MTUS2: variants seen among roughly 807,000 people sequenced by gnomAD.
MTUS2 encodes microtubule associated scaffold protein 2, also known as microtubule-associated tumor suppressor candidate 2.
Under a neutral mutation model 114.1 loss-of-function variants are expected in MTUS2, and 40 were observed. The observed-to-expected ratio is 0.35, with a 90% confidence interval of 0.27 to 0.46. MTUS2 has a LOEUF of 0.46. Ranked by LOEUF, MTUS2 falls within the 20% of genes least tolerant of loss-of-function variation. The probability of loss-of-function intolerance (pLI) is 1.00; values close to 1 mark genes in which losing one functional copy is unlikely to be tolerated. For missense variants in MTUS2, 1,679 were observed against 1,705.4 expected, an observed-to-expected ratio of 0.98 and a Z score of 0.27; for synonymous variants, 688 against 672.0, an observed-to-expected ratio of 1.02 and a Z score of -0.37.
intron 5 of MTUS2, among the ~76,000 whole-genome samples, chr13:29,225,014 T>C (rs527713752): frequency 4.6e-5 from 7 of 152,280 alleles, no homozygotes; most frequent in East Asian, 3.9e-4. Flanking sequence ...CCTCCACCTT[T>C]CCTAGGGCTG....
In MTUS2 at chr13:29,502,995, A is replaced by G. The variant is rs776770958; in HGVS notation, c.3899A>G (p.Gln1300Arg). Residue 1300 changes from glutamine (Q) to arginine (R), a missense_variant and splice_region_variant, in exon 16 of 16, where the codon CAG (glutamine) becomes CGG (arginine). By Grantham distance (43) the Gln-to-Arg change is conservative. This residue lies in a region of MTUS2 where 822 missense variants were observed against 899.7 expected (regional missense o/e 0.91). Coordinates refer to ENST00000612955, the MANE Select transcript of MTUS2 (RefSeq NM_001033602.4). ...RIDQNTVVTR[Q>R]LSEENANLQE... is the part of the protein sequence containing the mutation. ...TATTTGTCATTGTGCCCATGCAGAC[A>G]GCTGTCGGAGGAAAATGCTAACCTC... The G allele has an allele frequency of 6.2e-7, 1 of 1,614,140 alleles. No individual in the cohort carries two copies. The highest frequency in any genetic ancestry group is 8.5e-7 in the Non-Finnish European group (1 of 1,179,988).
At chr13:28,983,988 G>A (rs145770815) in intron 2 of MTUS2, among the ~76,000 whole-genome samples, 87 of 152,340 alleles carry the variant, frequency 5.7e-4, no homozygotes, top group African/African-American at 1.8e-3. Flanking sequence ...CTCTGCTTAT[G>A]TGGCTTCTCA....
intron 5 of MTUS2, among the ~76,000 whole-genome samples, chr13:29,162,693 G>A (rs918763905): frequency 3.9e-5 from 6 of 152,250 alleles, no homozygotes; most frequent in East Asian, 1.9e-4. Context: ...GTGTTTGATC[G>A]TATTTCTAGA....
At chr13:29,075,781 C>T (rs1371508948) in intron 4 of MTUS2, among the ~76,000 whole-genome samples, 1 of 152,166 alleles carries the variant, frequency 6.6e-6, no homozygotes, top group Admixed American at 6.5e-5. Flanking sequence ...ACCATATTTT[C>T]CTGTTAGTGT....
chr13:28,901,749 T>G (rs1343315881), intron 2 of MTUS2, among the ~76,000 whole-genome samples: 2 of 152,208 alleles, frequency 1.3e-5, no homozygotes, highest in African/African-American at 4.8e-5. Flanking sequence ...CCATACTATT[T>G]TGATTACTGT....
At chr13:29,141,953 A>G (rs145981485) in intron 5 of MTUS2, among the ~76,000 whole-genome samples, 2,197 of 149,834 alleles carry the variant, frequency 0.015, 47 homozygotes, top group African/African-American at 0.052. Context: ...TCCACCTCCC[A>G]GGTTCACACC....
In MTUS2 at chr13:29,065,019, G is replaced by A. The variant is rs149607885; in HGVS notation, c.2446+30894G>A. On this transcript the variant is annotated intron_variant, in intron 4 of 15. Transcript: ENST00000612955. Reference sequence around the variant, plus strand: ...GTATGTTCCACATTTTCCTTATTCTGTCTTCCACTGATGGGCATTTAGATT... The same window carrying A: ...GTATGTTCCACATTTTCCTTATTCTATCTTCCACTGATGGGCATTTAGATT... Among the ~76,000 whole-genome samples the A allele has an allele frequency of 7.9e-5, 12 of 152,258 alleles. No individual in the cohort carries two copies. The East Asian group carries it at 2.3e-3, about 29-fold the overall frequency.
At chr13:29,384,865 C>T (rs1872528567) in intron 8 of MTUS2, among the ~76,000 whole-genome samples, 1 of 152,240 alleles carries the variant, frequency 6.6e-6, no homozygotes, top group South Asian at 2.1e-4. Context: ...TAGCTGAAAA[C>T]AGACCACAGC....
chr13:29,105,863 T>G (rs1890644640), intron 5 of MTUS2, among the ~76,000 whole-genome samples: 1 of 152,056 alleles, frequency 6.6e-6, no homozygotes, highest in Non-Finnish European at 1.5e-5. Flanking sequence ...CAGACAGCCT[T>G]TTGGAAGGTG....
chr13:29,140,141 A>C (rs1411256378), intron 5 of MTUS2, among the ~76,000 whole-genome samples: 2 of 152,202 alleles, frequency 1.3e-5, no homozygotes, highest in African/African-American at 4.8e-5. Flanking sequence ...TTATTTATGA[A>C]TATAATGCAT....
At chr13:29,232,475 G>A (rs1335663) in intron 5 of MTUS2, among the ~76,000 whole-genome samples, 125,100 of 151,714 alleles carry the variant, frequency 0.82, 51,617 homozygotes, top group East Asian at 0.89. Flanking sequence ...CATTGGGGGG[G>A]AAGAGTAAGA....
intron 2 of MTUS2, among the ~76,000 whole-genome samples, chr13:28,862,810 T>C (rs775864547): frequency 1.7e-4 from 26 of 152,154 alleles, no homozygotes; most frequent in Non-Finnish European, 2.8e-4. Context: ...AAGGAAAAAT[T>C]AGAATAAAAA....
intron 2 of MTUS2, among the ~76,000 whole-genome samples, chr13:28,986,972 G>T (rs527373363): frequency 5.3e-5 from 8 of 152,208 alleles, no homozygotes; most frequent in Non-Finnish European, 1.0e-4. Context: ...CCATGCTCTA[G>T]TCCAGAGCTT....
Position 29,492,197 on chromosome 13 carries a change from GT to G in MTUS2, c.3506-448del, listed in dbSNP as rs1176250055. Among the ~76,000 whole-genome samples, 5 of 2,904 alleles carry G rather than the reference GT, an allele frequency of 1.7e-3. 2 individuals carry two copies. The highest frequency in any genetic ancestry group is 5.4e-3 in the African/African-American group (5 of 922). 1.9% of individuals were successfully genotyped at this position (2,904 alleles called of 152,430 possible). A position where few individuals can be genotyped will look rare whatever the true frequency, so the allele number is the denominator to read the frequency against. On this transcript the variant is annotated intron_variant, in intron 11 of 15. Coordinates refer to ENST00000612955, the MANE Select transcript of MTUS2 (RefSeq NM_001033602.4). The stretch of plus-strand genomic sequence containing the variant: ...ATGTGTGTGGTAGGTGTGTATGTGT[GT>G]GTGGTGTGTATGTGATGTGTGGTAG...
chr13:28,946,537 T>C (rs1173687677), intron 2 of MTUS2, among the ~76,000 whole-genome samples: 2 of 152,216 alleles, frequency 1.3e-5, no homozygotes, highest in African/African-American at 2.4e-5. Flanking sequence ...ACAACTATTA[T>C]GTAACATCAT....
chr13:28,908,730 A>G (rs1008866560), intron 2 of MTUS2, among the ~76,000 whole-genome samples: 2 of 151,726 alleles, frequency 1.3e-5, no homozygotes, highest in Admixed American at 6.6e-5. Context: ...GACTTCCACA[A>G]TGGTTGAATT....
rs543410184 is a variant in MTUS2, at chr13:29,364,078, T to C, written c.3117+4605T>C. On this transcript the variant is annotated intron_variant, in intron 8 of 15. Transcript: ENST00000612955. The stretch of plus-strand genomic sequence containing the variant: ...TATATTATGATGCTACTTCTCCCTC[T>C]CTTCACAATCATCAAGGTGCTTTTT... Among the ~76,000 whole-genome samples, 5 of 152,282 alleles carry C rather than the reference T, an allele frequency of 3.3e-5. No individual in the cohort carries two copies. The East Asian group carries it at 9.7e-4, about 29-fold the overall frequency.
At chr13:29,221,660 A>G (rs1161479456) in intron 5 of MTUS2, among the ~76,000 whole-genome samples, 1 of 152,070 alleles carries the variant, frequency 6.6e-6, no homozygotes, top group African/African-American at 2.4e-5. Context: ...TTTTTTAGAT[A>G]GAAGTTTTTA....
chr13:29,156,613 G>A (rs766553079), intron 5 of MTUS2, among the ~76,000 whole-genome samples: 10 of 152,204 alleles, frequency 6.6e-5, no homozygotes, highest in Non-Finnish European at 7.4e-5. Flanking sequence ...AGCTTCTTTC[G>A]TCAAATTGTG....
Sources: allele counts gnomAD v4.1 joint callset (sites outside exome capture counted in the v4.1 genomes callset), GRCh38; gene constraint gnomAD v4.1.1; regional missense constraint gnomAD v4.1.1; transcripts MANE v1.5; gene names NCBI Gene and HGNC (gene_info 2026-07-23, HGNC 2026-07-21).